RALY: variants seen among roughly 807,000 people sequenced by gnomAD.
RALY encodes the protein RALY heterogeneous nuclear ribonucleoprotein.
A neutral mutation model predicts 30.7 loss-of-function variants in RALY; 15 were observed. The ratio of observed to expected loss-of-function variants is 0.49; its 90% CI spans 0.33 to 0.75. The LOEUF (loss-of-function observed/expected upper bound fraction) is 0.75. Among genes scored for constraint, RALY ranks in the 30% least tolerant of loss-of-function variants. RALY has a pLI of 0.02. For synonymous variants in RALY, 177 were observed against 170.8 expected, an observed-to-expected ratio of 1.04 and a Z score of -0.28; for missense variants, 339 against 414.3, an observed-to-expected ratio of 0.82 and a Z score of 1.58.
chr20:34,078,500 A>T lies in RALY; in HGVS notation c.877-5A>T. Reference sequence around the variant, plus strand: ...GTGTGGTCTCTCTTACCTCCTCCCTATCAGGAACACAGCCAGGACACAGAC... The same window carrying T: ...GTGTGGTCTCTCTTACCTCCTCCCTTTCAGGAACACAGCCAGGACACAGAC... On this transcript the variant is annotated splice_polypyrimidine_tract_variant and splice_region_variant and intron_variant, in intron 8 of 9. Coordinates refer to ENST00000246194, the MANE Select transcript of RALY (RefSeq NM_016732.3). The T allele has an allele frequency of 6.3e-7, 1 of 1,582,020 alleles. No individual in the cohort carries two copies. Among genetic ancestry groups the T allele is most frequent in the Non-Finnish European group, 8.6e-7 (1 of 1,163,862 alleles).
At chr20:34,075,589 T>C (rs904452607) in intron 5 of RALY, among the ~76,000 whole-genome samples, 1 of 151,952 alleles carries the variant, frequency 6.6e-6, no homozygotes, top group African/African-American at 2.4e-5. Context: ...GACCTAGGGA[T>C]GTCTCCTCTT....
At chr20:34,042,636 C>T (rs2032743082) in intron 2 of RALY, among the ~76,000 whole-genome samples, 1 of 151,992 alleles carries the variant, frequency 6.6e-6, no homozygotes, top group African/African-American at 2.4e-5. Context: ...AATGTGGAAA[C>T]CAGCAGAAGT....
intron 2 of RALY, among the ~76,000 whole-genome samples, chr20:34,071,057 C>T (rs1245133441): frequency 6.6e-6 from 1 of 152,108 alleles, no homozygotes; most frequent in African/African-American, 2.4e-5. Context: ...CACGAGCAGT[C>T]ACTCACTATC....
chr20:34,049,637 T>C (rs1441158171), intron 2 of RALY, among the ~76,000 whole-genome samples: 3 of 152,222 alleles, frequency 2.0e-5, no homozygotes, highest in Non-Finnish European at 2.9e-5. Flanking sequence ...TTTGTAATGA[T>C]TGGCGTTTGT....
At chr20:34,075,795 C>A in intron 5 of RALY, 79 bp from the exon 6 acceptor site, 1 of 1,459,686 alleles carries the variant, frequency 6.9e-7, no homozygotes, top group Non-Finnish European at 9.3e-7. Flanking sequence ...ACCAGCCACA[C>A]ACGTTTGTAG....
intron 1 of RALY, among the ~76,000 whole-genome samples, chr20:34,003,569 TCTCTAAC>T (rs2031017560): frequency 6.6e-6 from 1 of 151,812 alleles, no homozygotes; most frequent in Admixed American, 6.6e-5. Flanking sequence ...GAGTAAGTGT[TCTCTAAC>T]CTCATACTGT....
At chr20:34,057,334 T>C (rs1201920169) in intron 2 of RALY, among the ~76,000 whole-genome samples, 2 of 152,090 alleles carry the variant, frequency 1.3e-5, no homozygotes, top group Non-Finnish European at 2.9e-5. Context: ...CTCAATATAA[T>C]AGCACAAATT....
rs1156461152 is a variant in RALY at position 34,084,547 on chromosome 20, TTATC to T, written c.*4645_*4648del. On this transcript the variant is annotated 3_prime_UTR_variant, in exon 10 of 10. Transcript: ENST00000246194. ...TGGCATCTCTATCCTATCCTCGCCTTTATCTAAACTCTGTGACCGATCAATAGCA... is the reference window on the plus strand; with the variant it reads ...TGGCATCTCTATCCTATCCTCGCCTTTAAACTCTGTGACCGATCAATAGCA... The T allele has an allele frequency of 6.6e-6, 1 of 152,268 alleles. No individual in the cohort carries two copies. The highest frequency in any genetic ancestry group is 1.5e-5 in the Non-Finnish European group (1 of 68,066). 9.4% of individuals were successfully genotyped at this position (152,268 alleles called of 1,614,324 possible).
At chr20:34,072,015 T>TC in intron 2 of RALY, 51 bp from the exon 3 acceptor site, 2 of 1,588,388 alleles carry the variant, frequency 1.3e-6, no homozygotes, top group Non-Finnish European at 1.7e-6. Flanking sequence ...CCGTGGGCAG[T>TC]CCTTGAGCCC....
intron 1 of RALY, among the ~76,000 whole-genome samples, chr20:34,008,992 A>C (rs535218466): frequency 1.2e-3 from 175 of 152,154 alleles, no homozygotes; most frequent in Admixed American, 2.6e-3. Context: ...AAGCCTGGGG[A>C]GATTAGGACT....
intron 2 of RALY, among the ~76,000 whole-genome samples, chr20:34,060,145 T>C (rs2033374125): frequency 6.6e-6 from 1 of 152,262 alleles, no homozygotes; most frequent in Non-Finnish European, 1.5e-5. Context: ...AGTATTTTTT[T>C]CCTTGATCAC....
rs144846704 is a variant in RALY at position 34,076,540 on chromosome 20, C to T, written c.545-162C>T. ...TGTGTGCTGTCACTGTAGGGATGGACGCCAGGTAGTCTAAGGAGGAGACCT... is the reference window on the plus strand; with the variant it reads ...TGTGTGCTGTCACTGTAGGGATGGATGCCAGGTAGTCTAAGGAGGAGACCT... On this transcript the variant is annotated intron_variant, in intron 6 of 9. Coordinates refer to ENST00000246194, the MANE Select transcript of RALY (RefSeq NM_016732.3). Among the ~76,000 whole-genome samples, 5 of 152,230 alleles carry T rather than the reference C, an allele frequency of 3.3e-5. No homozygotes were observed. The East Asian group carries it at 7.7e-4, about 24-fold the overall frequency.
intron 2 of RALY, among the ~76,000 whole-genome samples, chr20:34,033,566 T>C (rs534700464): frequency 6.6e-6 from 1 of 152,256 alleles, no homozygotes; most frequent in South Asian, 2.1e-4. Context: ...CAGGCTCTTC[T>C]TAACAACCAT....
chr20:34,035,603 C>T (rs771412646), intron 2 of RALY, among the ~76,000 whole-genome samples: 80 of 152,216 alleles, frequency 5.3e-4, no homozygotes, highest in Non-Finnish European at 6.8e-4. Flanking sequence ...AGCTAGTAGT[C>T]CCCCACTCCT....
intron 1 of RALY, among the ~76,000 whole-genome samples, chr20:34,007,520 CA>C (rs1332597616): frequency 6.7e-6 from 1 of 148,228 alleles, no homozygotes; most frequent in Middle Eastern, 3.4e-3. Context: ...GACTCCATCT[CA>C]AAAAAAACAA....
chr20:34,025,899 G>GTTTTTTTTTTTTTTTTTTT, intron 1 of RALY, among the ~76,000 whole-genome samples: 1 of 75,918 alleles, frequency 1.3e-5, no homozygotes, highest in Non-Finnish European at 2.4e-5. Flanking sequence ...ATTCCTGGTT[G>GTTTTTTTTTTTTTTTTTTT]TTTTTTTTTT....
chr20:33,996,657 A>C (rs1184753952), intron 1 of RALY, among the ~76,000 whole-genome samples: 1 of 152,096 alleles, frequency 6.6e-6, no homozygotes, highest in Non-Finnish European at 1.5e-5. Flanking sequence ...TATAACATAA[A>C]ATTTACCATT....
intron 1 of RALY, among the ~76,000 whole-genome samples, chr20:34,030,160 T>C (rs1211194778): frequency 6.6e-6 from 1 of 152,146 alleles, no homozygotes; most frequent in Non-Finnish European, 1.5e-5. Flanking sequence ...GCCTTCTGTT[T>C]TTGAGAATTG....
intron 1 of RALY, among the ~76,000 whole-genome samples, chr20:34,011,254 AATAAGTTACAGGATT>A (rs1248339899): frequency 4.9e-4 from 74 of 152,336 alleles, no homozygotes; most frequent in African/African-American, 1.7e-3. Flanking sequence ...GAAAGCATCA[AATAAGTTACAGGATT>A]ATAGCAGGCC....
Sources: gnomAD v4.1 joint callset for allele counts (sites outside exome capture counted in the v4.1 genomes callset) on GRCh38, gnomAD v4.1.1 for gene constraint, MANE v1.5 for transcripts, NCBI Gene and HGNC (gene_info 2026-07-23, HGNC 2026-07-21) for gene names.